ATP6V0A1: variants seen among roughly 807,000 people sequenced by gnomAD.
ATP6V0A1 encodes the protein V-type proton ATPase 116 kDa subunit a 1.
ATP6V0A1 carries 43 observed loss-of-function variants against 105.4 expected under a neutral mutation model. The ratio of observed to expected loss-of-function variants is 0.41; its 90% confidence interval spans 0.32 to 0.53. The LOEUF (loss-of-function observed/expected upper bound fraction) is 0.53, where lower values mean the gene tolerates loss of function less well. Among genes scored for constraint, ATP6V0A1 ranks in the 20% least tolerant of loss-of-function variants. The pLI is 0.30. For synonymous variants in ATP6V0A1, 362 were observed against 372.8 expected, an observed-to-expected ratio of 0.97 and a Z score of 0.33; for missense variants, 676 against 1,051.1, an observed-to-expected ratio of 0.64 and a Z score of 4.93.
chr17:42,491,571 C>T (rs1271756863), intron 11 of ATP6V0A1, among the ~76,000 whole-genome samples: 2 of 152,202 alleles, frequency 1.3e-5, no homozygotes, highest in Non-Finnish European at 2.9e-5. Context: ...ACATCCTCTG[C>T]CTCCCAGGTT....
At chr17:42,508,971 A>G (rs148665117) in intron 19 of ATP6V0A1, among the ~76,000 whole-genome samples, 8 of 152,172 alleles carry the variant, frequency 5.3e-5, no homozygotes, top group African/African-American at 9.6e-5. Context: ...CACCGGGAGT[A>G]GCCGTTTCCT....
At chr17:42,489,541 G>C (rs1438447967) in intron 10 of ATP6V0A1, among the ~76,000 whole-genome samples, 1 of 152,150 alleles carries the variant, frequency 6.6e-6, no homozygotes, top group Non-Finnish European at 1.5e-5. Flanking sequence ...AAAAAATGAT[G>C]AATTGTGAGA....
rs760656631 is a variant in ATP6V0A1, at chr17:42,478,548, C to A, written c.592C>A (p.Arg198=). The A allele has an allele frequency of 6.2e-7, 1 of 1,605,308 alleles. No individual in the cohort carries two copies. Among genetic ancestry groups the A allele is most frequent in the Admixed American group, 1.7e-5 (1 of 59,472 alleles). The change falls in exon 7 of 22, where the codon CGA becomes AGA. Residue 198 remains arginine, a synonymous_variant. Coordinates refer to ENST00000343619, the MANE Select transcript of ATP6V0A1 (RefSeq NM_001130021.3). ...WRVCRGNVFL[R]QAEIENPLED... ...GGTATGCCGGGGAAATGTGTTCCTG[C>A]GACAGGCTGAAATCGAGAACCCCCT... is the stretch of plus-strand genomic sequence containing the variant.
intron 9 of ATP6V0A1, among the ~76,000 whole-genome samples, chr17:42,485,765 C>T (rs951274614): frequency 3.3e-5 from 5 of 152,068 alleles, no homozygotes; most frequent in Admixed American, 6.6e-5. Flanking sequence ...CTATGTTGCC[C>T]AAACTGGTCT....
intron 10 of ATP6V0A1, 128 bp downstream of exon 10, chr17:42,487,495 A>G: frequency 1.2e-6 from 1 of 830,490 alleles, no homozygotes; most frequent in East Asian, 2.8e-5. Context: ...TGGGAGGCCG[A>G]GGCGGGCAGA....
intron 2 of ATP6V0A1, among the ~76,000 whole-genome samples, chr17:42,463,563 GT>G (rs2086691714): frequency 6.6e-6 from 1 of 152,138 alleles, no homozygotes; most frequent in South Asian, 2.1e-4. Context: ...ACACCACAGT[GT>G]TTTCATCCTT....
chr17:42,464,917 T>C (rs1023442908), intron 2 of ATP6V0A1, among the ~76,000 whole-genome samples: 14 of 152,140 alleles, frequency 9.2e-5, no homozygotes, highest in Non-Finnish European at 2.1e-4. Context: ...TTATGGAATT[T>C]ATCACATACT....
chr17:42,484,835 CTTTTTTCTTTTCTTTTCT>C (rs2089936958), intron 9 of ATP6V0A1, among the ~76,000 whole-genome samples: 2 of 139,884 alleles, frequency 1.4e-5, no homozygotes. Flanking sequence ...ACTTCCATTT[CTTTTTTCTTTTCTTTTCT>C]TTTTTTTTTT....
Position 42,467,919 on chromosome 17 carries a change from A to G in ATP6V0A1, c.197-91A>G, listed in dbSNP as rs4796668. 575,536 of 575,690 alleles carry G rather than the reference A, an allele frequency of 1. 287,691 individuals carry two copies. Among genetic ancestry groups the G allele is most frequent in the Middle Eastern group, 1 (2,184 of 2,184 alleles). 35.7% of individuals were successfully genotyped at this position (575,690 alleles called of 1,614,324 possible). On this transcript the variant is annotated intron_variant, in intron 3 of 21. Transcript: ENST00000343619. ...TCTTTTTTGAATAAAACTTTTTGTAACCAGGTCTTAGATGTTAATTCTTTT... is the reference window on the plus strand; with the variant it reads ...TCTTTTTTGAATAAAACTTTTTGTAGCCAGGTCTTAGATGTTAATTCTTTT...
chr17:42,485,273 G>A (rs892845299), intron 9 of ATP6V0A1, among the ~76,000 whole-genome samples: 2 of 152,180 alleles, frequency 1.3e-5, no homozygotes, highest in Non-Finnish European at 1.5e-5. Flanking sequence ...TAGAACTGCT[G>A]GTGAGTGATA....
At chr17:42,478,426 T>C (rs758604782) in intron 6 of ATP6V0A1, 37 bp from the exon 7 acceptor site, 6 of 1,489,952 alleles carry the variant, frequency 4.0e-6, no homozygotes, top group African/African-American at 1.4e-5. Context: ...TCCCATGACA[T>C]GGAATAGAGT....
intron 5 of ATP6V0A1, among the ~76,000 whole-genome samples, chr17:42,473,273 G>A (rs896014022): frequency 6.6e-6 from 1 of 152,130 alleles, no homozygotes; most frequent in African/African-American, 2.4e-5. Flanking sequence ...AATAGGCATC[G>A]CCACTTAAGC....
intron 5 of ATP6V0A1, among the ~76,000 whole-genome samples, chr17:42,476,326 C>G (rs1297565960): frequency 6.6e-6 from 1 of 152,110 alleles, no homozygotes; most frequent in Non-Finnish European, 1.5e-5. Context: ...CAGTTTTTCC[C>G]CCTTTTTGCT....
chr17:42,518,233 C>T (rs979148047), intron 21 of ATP6V0A1: 1 of 152,268 alleles, frequency 6.6e-6, no homozygotes, highest in African/African-American at 2.4e-5. Flanking sequence ...GCGAATTCCA[C>T]ATACACATAG....
chr17:42,472,273 C>T (rs1171136275), intron 5 of ATP6V0A1, among the ~76,000 whole-genome samples: 6 of 151,470 alleles, frequency 4.0e-5, no homozygotes, highest in Non-Finnish European at 5.9e-5. Context: ...AGGCTGGTCT[C>T]GAACCTCTAG....
In ATP6V0A1 at chr17:42,514,369, T is replaced by G. The variant is rs144220352; in HGVS notation, c.2329T>G (p.Phe777Val). ...KSLAGGLVLF[F>V]FFTAFATLTV... ...CTTGGCGGGAGGTTTGGTGCTGTTC[T>G]TCTTCTTCACTGCCTTTGCCACCCT... The change falls in exon 21 of 22, where the codon TTC becomes GTC. Residue 777 changes from phenylalanine (F) to valine (V), a missense_variant. Coordinates refer to ENST00000343619, the MANE Select transcript of ATP6V0A1 (RefSeq NM_001130021.3). 1.9e-6 allele frequency: 3 copies of G among 1,613,780 alleles called. No individual in the cohort carries two copies. The highest frequency in any genetic ancestry group is 2.5e-6 in the Non-Finnish European group (3 of 1,179,890).
At position 42,495,096 on chromosome 17, in the gene ATP6V0A1, C is replaced by T. The variant is rs1567846125; in HGVS notation, c.1377C>T (p.Tyr459=). 1.2e-6 allele frequency: 2 copies of T among 1,613,726 alleles called. No individual in the cohort carries two copies. Among genetic ancestry groups the T allele is most frequent in the African/African-American group, 1.3e-5 (1 of 74,920 alleles). ...TATTGATGGGTGTGTTCTCCATGTA[C>T]ACTGGCCTCATCTACAATGATTGCT... The part of the protein sequence containing the change: ...IILLMGVFSM[Y]TGLIYNDCFS... Residue 459 remains tyrosine (Y), a synonymous_variant, in exon 13 of 22, where the codon TAC becomes TAT. Coordinates refer to ENST00000343619, the MANE Select transcript of ATP6V0A1 (RefSeq NM_001130021.3).
rs761008462 is a variant in ATP6V0A1, at chr17:42,470,115, A to T, written c.320A>T (p.Glu107Val). 1 of 1,608,464 alleles carries T rather than the reference A, an allele frequency of 6.2e-7. No homozygotes were observed. Among genetic ancestry groups the T allele is most frequent in the East Asian group, 2.2e-5 (1 of 44,788 alleles). ...LEANFEKIEN[E>V]LKEINTNQEA... ...GCCAATTTTGAGAAGATTGAAAATG[A>T]ACTGAAGGAAATCAACACAAACCAG... Residue 107 changes from glutamate to valine, a missense_variant, in exon 5 of 22, where the codon GAA becomes GTA. This residue lies in a region of ATP6V0A1 where 239 missense variants were observed against 388.4 expected (regional missense o/e 0.62). Transcript: ENST00000343619.
chr17:42,499,696 G>A (rs1357542064), intron 15 of ATP6V0A1, among the ~76,000 whole-genome samples: 1 of 151,394 alleles, frequency 6.6e-6, no homozygotes, highest in Non-Finnish European at 1.5e-5. Flanking sequence ...GCTGAGGCAG[G>A]AGAATTGCTT....
Sources: allele counts gnomAD v4.1 joint callset (sites outside exome capture counted in the v4.1 genomes callset), GRCh38; gene constraint gnomAD v4.1.1; regional missense constraint gnomAD v4.1.1; transcripts MANE v1.5; gene names NCBI Gene and HGNC (gene_info 2026-07-23, HGNC 2026-07-21).